Variants in MAN2B2 observed in about 807,000 individuals in gnomAD.
The protein encoded by MAN2B2 is mannosidase alpha class 2B member 2.
In MAN2B2, 106 loss-of-function variants were observed where a neutral mutation model predicts 117.1. The ratio of observed to expected loss-of-function variants is 0.90; its 90% confidence interval spans 0.77 to 1.06. The LOEUF (loss-of-function observed/expected upper bound fraction) is 1.06. Among genes scored for constraint, MAN2B2 ranks in the 50% least tolerant of loss-of-function variants. The pLI, the probability that MAN2B2 is intolerant of heterozygous loss-of-function variation, is 0.00. For missense variants in MAN2B2, 1,326 were observed against 1,381.4 expected, an observed-to-expected ratio of 0.96 and a Z score of 0.64; for synonymous variants, 544 against 595.1, an observed-to-expected ratio of 0.91 and a Z score of 1.25.
intron 17 of MAN2B2, chr4:6,619,134 C>A (rs1427121366): frequency 6.6e-6 from 1 of 152,276 alleles, no homozygotes; most frequent in Non-Finnish European, 1.5e-5. Context: ...GAGTTAGGAA[C>A]GCAGTGAGTT....
At chr4:6,579,338 C>T (rs1305156759) in intron 3 of MAN2B2, among the ~76,000 whole-genome samples, 3 of 132,998 alleles carry the variant, frequency 2.3e-5, no homozygotes, top group Admixed American at 7.5e-5. Flanking sequence ...CCACCACCAC[C>T]ACCATCACCA....
intron 3 of MAN2B2, among the ~76,000 whole-genome samples, chr4:6,581,736 G>T (rs1726434303): frequency 6.7e-6 from 1 of 150,322 alleles, no homozygotes; most frequent in African/African-American, 2.5e-5. Context: ...GGGTATCTAG[G>T]GTGCCAAAGC....
chr4:6,588,023 T>C (rs1225758236), intron 4 of MAN2B2, among the ~76,000 whole-genome samples: 2 of 152,160 alleles, frequency 1.3e-5, no homozygotes, highest in Non-Finnish European at 2.9e-5. Context: ...CCTCCCAAAG[T>C]GCTGGTATTA....
At chr4:6,579,691 G>A (rs1042048309) in intron 3 of MAN2B2, among the ~76,000 whole-genome samples, 7 of 145,050 alleles carry the variant, frequency 4.8e-5, no homozygotes, top group East Asian at 2.1e-4. Context: ...CATCACTGTC[G>A]CCACCACCAT....
chr4:6,582,582 C>T (rs533880373), intron 3 of MAN2B2, among the ~76,000 whole-genome samples: 17 of 151,826 alleles, frequency 1.1e-4, no homozygotes, highest in African/African-American at 3.4e-4. Context: ...TCAAGTGATC[C>T]GCCCACCTTG....
intron 15 of MAN2B2, among the ~76,000 whole-genome samples, chr4:6,611,943 T>A (rs747774424): frequency 7.2e-5 from 11 of 152,198 alleles, no homozygotes; most frequent in Non-Finnish European, 1.3e-4. Context: ...TAGTTCTGTG[T>A]CTCTATAAAG....
In MAN2B2 at chr4:6,578,444, G is replaced by T. The variant is rs1201136413; in HGVS notation, c.337G>T (p.Val113Phe). The change falls in exon 3 of 19, where the codon GTC becomes TTC. Residue 113 changes from valine to phenylalanine, a missense_variant. Val to Phe is a conservative substitution (Grantham distance 50, BLOSUM62 -1). Transcript: ENST00000285599. ...CCTGGAATTTGTCATCGGAGGCCAG[G>T]TCATGCATGACGAGGCTGTGACGCA... ...GRLEFVIGGQVMHDEAVTHLD... is the reference protein window; with the variant it reads ...GRLEFVIGGQFMHDEAVTHLD... 6.2e-7 allele frequency: 1 copy of T among 1,613,742 alleles called. No individual in the cohort carries two copies. Among genetic ancestry groups the T allele is most frequent in the Admixed American group, 1.7e-5 (1 of 60,002 alleles).
At position 6,621,279 on chromosome 4, in the gene MAN2B2, G is replaced by T. The variant is rs139881790; in HGVS notation, c.3024G>T (p.Gln1008His). 4 of 1,613,614 alleles carry T rather than the reference G, an allele frequency of 2.5e-6. No individual in the cohort carries two copies. The African/African-American group carries it at 4.0e-5, about 16-fold the overall frequency. Residue 1008 changes from glutamine (Q) to histidine (H), a missense_variant, in exon 19 of 19, where the codon CAG (glutamine) becomes CAT (histidine). Gln to His is a conservative substitution (Grantham distance 24). Coordinates refer to ENST00000285599, the MANE Select transcript of MAN2B2 (RefSeq NM_015274.3). ...EIRTFFIHFQQQ is the reference protein window; with the variant it reads ...EIRTFFIHFQHQ ...GGACGTTCTTTATTCACTTTCAACA[G>T]CAGTGAGCCCTGGGCAGATGCCCCG...
Position 6,597,735 on chromosome 4 carries a change from C to T in MAN2B2, c.1248+432C>T, listed in dbSNP as rs182256762. 1.0e-3 allele frequency among the ~76,000 whole-genome samples: 157 copies of T among 152,314 alleles called. 2 individuals carry two copies. Among genetic ancestry groups the T allele is most frequent in the Non-Finnish European group, 1.4e-3 (98 of 68,040 alleles). ...TGGATGTGCTGGTGTGCACAGCCTGCTTGGTGCAGTGGCTGCTGAATAGCC... is the reference window on the plus strand; with the variant it reads ...TGGATGTGCTGGTGTGCACAGCCTGTTTGGTGCAGTGGCTGCTGAATAGCC... On this transcript the variant is annotated intron_variant, in intron 8 of 18. Coordinates refer to ENST00000285599, the MANE Select transcript of MAN2B2 (RefSeq NM_015274.3).
rs748437827 is a variant in MAN2B2, at chr4:6,609,826, G to A, written c.2035G>A (p.Ala679Thr). The change falls in exon 13 of 19, where the codon GCA becomes ACA. Residue 679 changes from alanine to threonine, a missense_variant. Transcript: ENST00000285599. ...RNMTAQNYTY[A>T]IRSRLTHVPQ... ...CATGACAGCACAGAATTACACGTAT[G>A]CAATCCGCTCCCGGCTCACCCATGT... The A allele has an allele frequency of 2.9e-5, 46 of 1,613,746 alleles. No individual in the cohort carries two copies. Among genetic ancestry groups the A allele is most frequent in the Non-Finnish European group, 3.7e-5 (44 of 1,179,954 alleles).
Position 6,598,357 on chromosome 4 carries a change from G to A in MAN2B2, c.1405+3G>A. 6.8e-6 allele frequency: 11 copies of A among 1,610,720 alleles called. No homozygotes were observed. Among genetic ancestry groups the A allele is most frequent in the Non-Finnish European group, 9.3e-6 (11 of 1,178,328 alleles). ...GGCACCCATGGCGGCCAGCTCCGGT[G>A]AGCAGGGCCCTGCAGGGAGGCTGTG... On this transcript the variant is annotated splice_donor_region_variant and intron_variant, in intron 9 of 18. Transcript: ENST00000285599.
At chr4:6,577,884 G>C (rs1463831050) in intron 2 of MAN2B2, among the ~76,000 whole-genome samples, 1 of 152,242 alleles carries the variant, frequency 6.6e-6, no homozygotes, top group Non-Finnish European at 1.5e-5. Context: ...TGGTTGTGTA[G>C]TAGGTGCTCA....
intron 16 of MAN2B2, among the ~76,000 whole-genome samples, chr4:6,616,236 C>T (rs1711867267): frequency 2.6e-5 from 4 of 152,206 alleles, no homozygotes; most frequent in Admixed American, 2.6e-4. Flanking sequence ...ACCAGGTCCT[C>T]TCTCCAGGAC....
At position 6,621,347 on chromosome 4, in the gene MAN2B2, C is replaced by A; in HGVS notation, c.*62C>A. 7.0e-7 allele frequency: 1 copy of A among 1,419,380 alleles called. No homozygotes were observed. Among genetic ancestry groups the A allele is most frequent in the Non-Finnish European group, 9.9e-7 (1 of 1,015,070 alleles). The allele number at this position is 1,419,380 out of a possible 1,614,324, so 87.9% of individuals were successfully genotyped here. A position where few individuals can be genotyped will look rare whatever the true frequency, so the allele number is the denominator to read the frequency against. On this transcript the variant is annotated 3_prime_UTR_variant, in exon 19 of 19. Coordinates refer to ENST00000285599, the MANE Select transcript of MAN2B2 (RefSeq NM_015274.3). Reference sequence around the variant, plus strand: ...AGGAACTCCATGTAACAGAACAGACCCAGGACAGGGAAAAGCAGTGCGGAG... The same window carrying A: ...AGGAACTCCATGTAACAGAACAGACACAGGACAGGGAAAAGCAGTGCGGAG...
chr4:6,621,313 G>T lies in MAN2B2; in HGVS notation c.*28G>T. 6.3e-7 allele frequency: 1 copy of T among 1,583,668 alleles called. No individual in the cohort carries two copies. Among genetic ancestry groups the T allele is most frequent in the Non-Finnish European group, 8.7e-7 (1 of 1,153,684 alleles). ...CCTGGGCAGATGCCCCGGCCCCAGG[G>T]CTTCCCCCAGGAACTCCATGTAACA... is the stretch of plus-strand genomic sequence containing the variant. On this transcript the variant is annotated 3_prime_UTR_variant, in exon 19 of 19. Transcript: ENST00000285599.
intron 3 of MAN2B2, among the ~76,000 whole-genome samples, chr4:6,580,777 G>T (rs1367101280): frequency 6.6e-6 from 1 of 152,182 alleles, no homozygotes; most frequent in Non-Finnish European, 1.5e-5. Context: ...CAAGGGGTGG[G>T]CGCTGAACTG....
chr4:6,619,628 C>T (rs1420663534), intron 17 of MAN2B2: 1 of 321,676 alleles, frequency 3.1e-6, no homozygotes, highest in East Asian at 7.7e-5. Flanking sequence ...GAGAGGAGAA[C>T]TCCGCGGTGG....
At chr4:6,617,641 T>C in intron 17 of MAN2B2, 149 bp downstream of exon 17, 1 of 1,475,240 alleles carries the variant, frequency 6.8e-7, no homozygotes, top group Non-Finnish European at 9.0e-7. Flanking sequence ...TTCATGGTCT[T>C]CTGGGTTTGT....
At chr4:6,617,222 C>T (rs1470239420) in intron 16 of MAN2B2, among the ~76,000 whole-genome samples, 158 bp from the exon 17 acceptor site, 1 of 152,202 alleles carries the variant, frequency 6.6e-6, no homozygotes, top group African/African-American at 2.4e-5. Context: ...ATGGGAGCTA[C>T]AATTCACGAT....
Sources: allele counts gnomAD v4.1 joint callset (sites outside exome capture counted in the v4.1 genomes callset), GRCh38; gene constraint gnomAD v4.1.1; transcripts MANE v1.5; gene names NCBI Gene and HGNC (gene_info 2026-07-23, HGNC 2026-07-21).